Variants in KAZN observed in about 807,000 individuals in gnomAD.
KAZN encodes kazrin, periplakin interacting protein, also known as kazrin.
Under a neutral mutation model 87.4 loss-of-function variants are expected in KAZN, and 40 were observed. The observed-to-expected ratio is 0.46, with a 90% CI of 0.36 to 0.60. The LOEUF is 0.60. KAZN is among the 20% of genes least tolerant of loss of function. The pLI, the probability that KAZN is intolerant of heterozygous loss-of-function variation, is 0.00. For missense variants in KAZN, 898 were observed against 1,073.9 expected (o/e 0.84, Z 2.29); for synonymous variants, 466 against 458.3 (o/e 1.02, Z -0.22).
chr1:14,891,703 T>C (rs1654739342), intron 1 of KAZN, among the ~76,000 whole-genome samples: 1 of 152,216 alleles, frequency 6.6e-6, no homozygotes, highest in Admixed American at 6.5e-5. Flanking sequence ...TGTCATTATG[T>C]TTCTTTAGGA....
At chr1:13,915,854 A>G (rs1358914716) in intron 1 of KAZN, among the ~76,000 whole-genome samples, 1 of 152,170 alleles carries the variant, frequency 6.6e-6, no homozygotes, top group Non-Finnish European at 1.5e-5. Flanking sequence ...CCTTGCTTTG[A>G]TTAGGATTCT....
chr1:14,256,499 CAGAG>C (rs987546906), intron 2 of KAZN, among the ~76,000 whole-genome samples: 24 of 151,810 alleles, frequency 1.6e-4, no homozygotes, highest in African/African-American at 4.1e-4. Context: ...GGGAAGGAGA[CAGAG>C]AGAGGAAAGG....
Position 15,066,683 on chromosome 1 carries a change from T to C in KAZN, c.1222+930T>C, listed in dbSNP as rs1278896069. On this transcript the variant is annotated intron_variant, in intron 8 of 14. Transcript: ENST00000376030. This position sits in a 1 kb window ranked among gnomAD's most constrained non-coding sequence, Gnocchi z 4.3. ...ATTTTTCCATGGGGTGGGCGGGAGG[T>C]GGGTGTCTCTGTTGACTTGTCTGTT... 3.0e-6 allele frequency: 3 copies of C among 984,236 alleles called. No homozygotes were observed. Among genetic ancestry groups the C allele is most frequent in the East Asian group, 1.1e-4 (1 of 8,822 alleles). 61.0% of individuals were successfully genotyped at this position (984,236 alleles called of 1,614,324 possible).
At chr1:14,676,546 C>T (rs1170390018) in intron 1 of KAZN, among the ~76,000 whole-genome samples, 1 of 152,120 alleles carries the variant, frequency 6.6e-6, no homozygotes, top group East Asian at 1.9e-4. Context: ...GGAGACAACC[C>T]AAATGTCCAT....
chr1:14,443,091 C>T (rs1666786965), intron 2 of KAZN, among the ~76,000 whole-genome samples: 1 of 152,220 alleles, frequency 6.6e-6, no homozygotes, highest in Non-Finnish European at 1.5e-5. Context: ...CCTTGAATTA[C>T]ATAACCTTTA....
At chr1:15,042,629 G>T (rs974216091) in intron 3 of KAZN, among the ~76,000 whole-genome samples, 1 of 152,202 alleles carries the variant, frequency 6.6e-6, no homozygotes, top group Non-Finnish European at 1.5e-5. Context: ...CTGAGGCAGG[G>T]ATGACTCACA....
intron 1 of KAZN, among the ~76,000 whole-genome samples, chr1:14,790,292 G>A (rs139502515): frequency 9.2e-5 from 14 of 152,058 alleles, no homozygotes; most frequent in Admixed American, 2.0e-4. Flanking sequence ...GATTGCAGGC[G>A]TGAGCCACCA....
chr1:14,944,500 G>A lies in KAZN; in HGVS notation c.227-16184G>A, dbSNP rs914184223. ...GGAATTGCAGGTCTCTCTCGCCTTC[G>A]AATAGGCAGGGGTCCTAGGGGGACA... On this transcript the variant is annotated intron_variant, in intron 1 of 14. Coordinates refer to ENST00000376030, the MANE Select transcript of KAZN (RefSeq NM_201628.3). 3.0e-4 allele frequency among the ~76,000 whole-genome samples: 45 copies of A among 152,300 alleles called. No individual in the cohort carries two copies. The Middle Eastern group carries it at 0.01, about 35-fold the overall frequency.
intron 2 of KAZN, among the ~76,000 whole-genome samples, chr1:14,583,552 G>A (rs1323118742): frequency 6.6e-6 from 1 of 152,224 alleles, no homozygotes; most frequent in Non-Finnish European, 1.5e-5. Flanking sequence ...CCCAAATGGA[G>A]GCAAAGGAGC....
intron 1 of KAZN, among the ~76,000 whole-genome samples, chr1:13,942,837 A>T (rs1021890398): frequency 6.6e-6 from 1 of 152,206 alleles, no homozygotes; most frequent in African/African-American, 2.4e-5. Flanking sequence ...ACTGAGAAGT[A>T]CTTTAGCTAA....
intron 2 of KAZN, among the ~76,000 whole-genome samples, chr1:14,359,755 A>G (rs926350129): frequency 6.6e-6 from 1 of 152,156 alleles, no homozygotes; most frequent in East Asian, 1.9e-4. Context: ...AGAATGTTGA[A>G]TATTGGCCCT....
At chr1:14,061,068 A>G (rs903623519) in intron 1 of KAZN, among the ~76,000 whole-genome samples, 2 of 152,202 alleles carry the variant, frequency 1.3e-5, no homozygotes, top group African/African-American at 4.8e-5. Context: ...TAGAAGCACA[A>G]TGGGTCCGAG....
Position 14,887,787 on chromosome 1 carries a change from G to A in KAZN, c.227-72897G>A, listed in dbSNP as rs144436587. Among the ~76,000 whole-genome samples, 52 of 151,716 alleles carry A rather than the reference G, an allele frequency of 3.4e-4. 1 individual carries two copies. The highest frequency in any genetic ancestry group is 1.2e-3 in the African/African-American group (51 of 41,356). ...ATGAGCTTTCGGGCCTAATTAGAATGAAATGTGTTGTTTCCCTTCCTTCTT... is the reference window on the plus strand; with the variant it reads ...ATGAGCTTTCGGGCCTAATTAGAATAAAATGTGTTGTTTCCCTTCCTTCTT... On this transcript the variant is annotated intron_variant, in intron 1 of 14. Coordinates refer to ENST00000376030, the MANE Select transcript of KAZN (RefSeq NM_201628.3).
At chr1:14,557,628 G>GT (rs1491288937) in intron 2 of KAZN, among the ~76,000 whole-genome samples, 1,569 of 84,134 alleles carry the variant, frequency 0.019, 18 homozygotes, top group Admixed American at 0.045. Context: ...GGGTGTGTGT[G>GT]GGTGTGTGTG....
At chr1:14,915,715 C>T (rs1377645744) in intron 1 of KAZN, among the ~76,000 whole-genome samples, 1 of 152,222 alleles carries the variant, frequency 6.6e-6, no homozygotes, top group South Asian at 2.1e-4. Context: ...CTGACAGACT[C>T]CCAACGCTGC....
chr1:14,580,089 T>C (rs1160588485), intron 2 of KAZN, among the ~76,000 whole-genome samples: 1 of 152,180 alleles, frequency 6.6e-6, no homozygotes, highest in Non-Finnish European at 1.5e-5. Flanking sequence ...TTTAGGATAT[T>C]TGCAAATTCA....
chr1:14,588,423 T>C (rs956879868), intron 2 of KAZN, among the ~76,000 whole-genome samples: 7 of 152,214 alleles, frequency 4.6e-5, no homozygotes, highest in Admixed American at 1.3e-4. Flanking sequence ...GCAACAAAAT[T>C]ATCTTGAAAA....
chr1:14,826,485 T>C (rs1646889659), intron 1 of KAZN, among the ~76,000 whole-genome samples: 1 of 152,180 alleles, frequency 6.6e-6, no homozygotes, highest in Non-Finnish European at 1.5e-5. Flanking sequence ...AGGTTGCAAT[T>C]TCTGGAAAAT....
At chr1:14,049,328 A>C (rs192681518) in intron 1 of KAZN, among the ~76,000 whole-genome samples, 1 of 150,376 alleles carries the variant, frequency 6.6e-6, no homozygotes, top group African/African-American at 2.5e-5. Context: ...GGGTGGGGGG[A>C]GCGGGGAGGG....
Sources: gnomAD v4.1 joint callset for allele counts (sites outside exome capture counted in the v4.1 genomes callset) on GRCh38, gnomAD v4.1.1 for gene constraint, Gnocchi (gnomAD v3.1) non-coding constraint, MANE v1.5 for transcripts, NCBI Gene and HGNC (gene_info 2026-07-23, HGNC 2026-07-21) for gene names.